Variants in PTPRA observed in about 807,000 individuals in gnomAD.
PTPRA encodes the protein protein tyrosine phosphatase receptor type A, also known as receptor-type tyrosine-protein phosphatase alpha.
A neutral mutation model predicts 104.8 loss-of-function variants in PTPRA; 25 were observed. The ratio of observed to expected loss-of-function variants is 0.24; its 90% CI spans 0.17 to 0.33. The LOEUF (loss-of-function observed/expected upper bound fraction) is 0.33. Ranked by LOEUF, PTPRA falls within the 10% of genes least tolerant of loss-of-function variation. The probability of loss-of-function intolerance (pLI) is 1.00; values close to 1 mark genes in which losing one functional copy is unlikely to be tolerated. For missense variants in PTPRA, 765 were observed against 1,015.3 expected (o/e 0.75, Z 3.35); for synonymous variants, 323 against 368.9 (o/e 0.88, Z 1.43).
chr20:2,899,870 G>C (rs1300915345), intron 1 of PTPRA, among the ~76,000 whole-genome samples: 1 of 152,136 alleles, frequency 6.6e-6, no homozygotes, highest in Non-Finnish European at 1.5e-5. Flanking sequence ...ACTTTGGGAG[G>C]CCAAGGCAGG....
intron 6 of PTPRA, among the ~76,000 whole-genome samples, chr20:2,976,556 A>G (rs189509917): frequency 5.6e-4 from 86 of 152,356 alleles, no homozygotes; most frequent in African/African-American, 2.0e-3. Flanking sequence ...TGTAAAGTCT[A>G]TTAATGTAAT....
chr20:2,960,921 A>G (rs1019401722), intron 3 of PTPRA, among the ~76,000 whole-genome samples: 3 of 150,430 alleles, frequency 2.0e-5, no homozygotes, highest in Non-Finnish European at 4.4e-5. Flanking sequence ...ACTTAGTAAT[A>G]TATGTTTAAG....
chr20:2,883,469 G>C (rs529488200), intron 1 of PTPRA, among the ~76,000 whole-genome samples: 1 of 32,392 alleles, frequency 3.1e-5, no homozygotes, highest in Non-Finnish European at 4.6e-5. Flanking sequence ...TGGCTAACAC[G>C]GTGAAACCCC....
At chr20:2,868,022 A>G in the PTPRA span, among the ~76,000 whole-genome samples, 1 of 152,212 alleles carries the variant, frequency 6.6e-6, no homozygotes, top group African/African-American at 2.4e-5. Flanking sequence ...CTGGAAGACT[A>G]AAAGGTTGAT....
chr20:3,011,473 G>GT (rs1300172212), intron 11 of PTPRA, among the ~76,000 whole-genome samples: 9 of 152,300 alleles, frequency 5.9e-5, no homozygotes, highest in Non-Finnish European at 1.0e-4. Context: ...GTTCTGTGGA[G>GT]TTATGAGAAA....
At position 3,032,496 on chromosome 20, in the gene PTPRA, G is replaced by A. The variant is rs377402638; in HGVS notation, c.1921-3089G>A. Among the ~76,000 whole-genome samples, 242 of 152,114 alleles carry A rather than the reference G, an allele frequency of 1.6e-3. 1 individual carries two copies. In the Middle Eastern group the frequency reaches 0.02, roughly 13 times the overall value. On this transcript the variant is annotated intron_variant, in intron 20 of 23. Coordinates refer to ENST00000399903, the MANE Select transcript of PTPRA (RefSeq NM_001385305.1). ...AAAGAGTTGGCTTTCGGCCGGGCGC[G>A]GTGGCTCACGCCTGTAATCCCAGCA...
At chr20:3,030,207 A>AC (rs1449059631) in intron 20 of PTPRA, among the ~76,000 whole-genome samples, 2 of 152,120 alleles carry the variant, frequency 1.3e-5, no homozygotes, top group African/African-American at 4.8e-5. Flanking sequence ...CTTGAAAAGG[A>AC]CCTAGTGAGA....
At chr20:2,908,846 A>T (rs1211237535) in intron 1 of PTPRA, among the ~76,000 whole-genome samples, 1 of 152,232 alleles carries the variant, frequency 6.6e-6, no homozygotes, top group African/African-American at 2.4e-5. Flanking sequence ...TACTAATAAA[A>T]TGTCAAAATA....
rs564475521 is a variant in PTPRA, at chr20:3,012,080, A to G, written c.907-3769A>G. 5.9e-5 allele frequency among the ~76,000 whole-genome samples: 9 copies of G among 152,298 alleles called. No individual in the cohort carries two copies. In the South Asian group the frequency reaches 1.5e-3, roughly 25 times the overall value. On this transcript the variant is annotated intron_variant, in intron 11 of 23. Transcript: ENST00000399903. Reference sequence around the variant, plus strand: ...GGAGTCTGGGAAATGTAGCTGTAAGATAGTCAAGCTAGAAGGGAGCAGGAG... The same window carrying G: ...GGAGTCTGGGAAATGTAGCTGTAAGGTAGTCAAGCTAGAAGGGAGCAGGAG...
intron 20 of PTPRA, among the ~76,000 whole-genome samples, chr20:3,030,257 G>A (rs535413454): frequency 3.3e-5 from 5 of 152,292 alleles, no homozygotes; most frequent in African/African-American, 4.8e-5. Flanking sequence ...TGTGTGTGGC[G>A]GTGGGGAGAA....
intron 6 of PTPRA, among the ~76,000 whole-genome samples, chr20:2,981,538 A>G (rs189370373): frequency 6.6e-6 from 1 of 152,364 alleles, no homozygotes; most frequent in Admixed American, 6.5e-5. Context: ...AGAGAATTGT[A>G]TAGCCCAAAA....
chr20:2,925,199 C>T (rs1342975687), intron 2 of PTPRA, among the ~76,000 whole-genome samples: 5 of 152,174 alleles, frequency 3.3e-5, no homozygotes, highest in Admixed American at 6.5e-5. Flanking sequence ...CCATTTCCTC[C>T]TCCCCCAGCT....
At chr20:3,007,307 T>G in intron 10 of PTPRA, 37 bp from the exon 11 acceptor site, 10 of 1,590,662 alleles carry the variant, frequency 6.3e-6, no homozygotes, top group Non-Finnish European at 8.6e-6. Context: ...AGAAATAAAT[T>G]TTGATTTTAC....
chr20:2,952,477 A>C (rs2061386308), intron 3 of PTPRA, among the ~76,000 whole-genome samples: 1 of 152,066 alleles, frequency 6.6e-6, no homozygotes. Context: ...CCTTTGTCAG[A>C]TATATTTTTT....
At chr20:2,985,398 G>A (rs975322472) in intron 6 of PTPRA, among the ~76,000 whole-genome samples, 3 of 152,220 alleles carry the variant, frequency 2.0e-5, no homozygotes, top group African/African-American at 7.2e-5. Context: ...TCTTTGAGTT[G>A]ACAGCAGTGG....
In PTPRA at chr20:3,029,167, G is replaced by T. The variant is rs537861454; in HGVS notation, c.1920+1326G>T. ...TGTTTGTTTGTTTGTTTGAGAGAGG[G>T]TCTCACTTTGTCACCCAGGCTGGAG... On this transcript the variant is annotated intron_variant, in intron 20 of 23. Coordinates refer to ENST00000399903, the MANE Select transcript of PTPRA (RefSeq NM_001385305.1). Among the ~76,000 whole-genome samples, 3 of 148,950 alleles carry T rather than the reference G, an allele frequency of 2.0e-5. 1 individual carries two copies. In the South Asian group the frequency reaches 6.4e-4, roughly 32 times the overall value.
intron 6 of PTPRA, among the ~76,000 whole-genome samples, chr20:2,980,044 C>G (rs2062606337): frequency 6.6e-6 from 1 of 152,058 alleles, no homozygotes; most frequent in African/African-American, 2.4e-5. Context: ...CCCAGAGTAG[C>G]TGGGATTACA....
At position 3,038,264 on chromosome 20, in the gene PTPRA, C is replaced by T. The variant is rs2148544003; in HGVS notation, c.*131C>T. On this transcript the variant is annotated 3_prime_UTR_variant, in exon 24 of 24. Transcript: ENST00000399903. Reference sequence around the variant, plus strand: ...AAATTGGTACATAGGCTTCTATTACCTATTAGGTGGAAATTTTATATGTAA... The same window carrying T: ...AAATTGGTACATAGGCTTCTATTACTTATTAGGTGGAAATTTTATATGTAA... 1 of 801,232 alleles carries T rather than the reference C, an allele frequency of 1.2e-6. No individual in the cohort carries two copies. 49.6% of individuals were successfully genotyped at this position (801,232 alleles called of 1,614,324 possible).
At chr20:2,986,177 G>A (rs1568682788) in intron 6 of PTPRA, among the ~76,000 whole-genome samples, 1 of 152,018 alleles carries the variant, frequency 6.6e-6, no homozygotes, top group Non-Finnish European at 1.5e-5. Context: ...AAAATGCTAG[G>A]ATTACAGGCA....
Sources: allele counts gnomAD v4.1 joint callset (sites outside exome capture counted in the v4.1 genomes callset), GRCh38; gene constraint gnomAD v4.1.1; transcripts MANE v1.5; gene names NCBI Gene and HGNC (gene_info 2026-07-23, HGNC 2026-07-21).